CUX1: variants seen among roughly 807,000 people sequenced by gnomAD.
The protein encoded by CUX1 is protein CASP.
A neutral mutation model predicts 158.8 loss-of-function variants in CUX1; 31 were observed. The observed-to-expected ratio is 0.20, with a 90% confidence interval of 0.15 to 0.26. The LOEUF is 0.26. CUX1 is among the 10% of genes least tolerant of loss of function. The pLI is 1.00. For synonymous variants in CUX1, 879 were observed against 862.1 expected, an observed-to-expected ratio of 1.02 and a Z score of -0.34; for missense variants, 1,589 against 2,014.6, an observed-to-expected ratio of 0.79 and a Z score of 4.04.
intron 8 of CUX1, among the ~76,000 whole-genome samples, chr7:102,144,572 GA>G (rs879970661): frequency 1.3e-5 from 2 of 151,634 alleles, no homozygotes; most frequent in African/African-American, 4.9e-5. Flanking sequence ...TCAGGAGGCT[GA>G]GGTGGGAGGA....
chr7:101,825,603 G>C (rs757466025), intron 1 of CUX1, among the ~76,000 whole-genome samples: 1 of 152,200 alleles, frequency 6.6e-6, no homozygotes, highest in Admixed American at 6.5e-5. Flanking sequence ...TGTCAGCATC[G>C]ATGTGGGACT....
intron 2 of CUX1, among the ~76,000 whole-genome samples, chr7:101,919,068 C>T (rs980435403): frequency 2.6e-5 from 4 of 152,178 alleles, no homozygotes; most frequent in Non-Finnish European, 5.9e-5. Context: ...CATGAGCCAC[C>T]GCGCCCAGCC....
chr7:101,897,814 G>A (rs560534781), intron 1 of CUX1, among the ~76,000 whole-genome samples: 2 of 152,294 alleles, frequency 1.3e-5, no homozygotes, highest in Admixed American at 6.5e-5. Context: ...GCTTATTGGT[G>A]TGTGTGTTTC....
intron 5 of CUX1, among the ~76,000 whole-genome samples, chr7:102,100,269 C>T (rs1416317706): frequency 6.6e-5 from 10 of 152,182 alleles, no homozygotes; most frequent in African/African-American, 2.4e-4. Context: ...CAGAGCGAGA[C>T]TCCATCTCTA....
intron 1 of CUX1, among the ~76,000 whole-genome samples, chr7:101,884,256 G>A (rs1258074738): frequency 6.6e-6 from 1 of 152,130 alleles, no homozygotes; most frequent in Non-Finnish European, 1.5e-5. Flanking sequence ...GTGATGTTTT[G>A]GTGTAAGCAT....
At chr7:101,844,044 C>G (rs975458540) in intron 1 of CUX1, among the ~76,000 whole-genome samples, 1 of 152,174 alleles carries the variant, frequency 6.6e-6, no homozygotes, top group Non-Finnish European at 1.5e-5. Context: ...CCCAACTAGT[C>G]TGAGTTCACC....
intron 2 of CUX1, among the ~76,000 whole-genome samples, chr7:101,999,217 C>CCTTT: frequency 1.2e-5 from 1 of 85,840 alleles, no homozygotes; most frequent in South Asian, 5.2e-4. Context: ...TTTTTTTTAC[C>CCTTT]TTTTTTTTTT....
chr7:102,207,924 A>T (rs1305027578), intron 20 of CUX1, among the ~76,000 whole-genome samples: 4 of 152,170 alleles, frequency 2.6e-5, no homozygotes, highest in Non-Finnish European at 5.9e-5. Context: ...ACAGAGGCTC[A>T]CATCTGTAAT....
At chr7:102,239,672 G>A in intron 23 of CUX1, 88 bp downstream of exon 23, 1 of 1,483,834 alleles carries the variant, frequency 6.7e-7, no homozygotes, top group East Asian at 2.3e-5. Context: ...CAGGGGTGAG[G>A]CTGGGGCCGG....
intron 2 of CUX1, among the ~76,000 whole-genome samples, chr7:102,006,521 C>T (rs1196230261): frequency 1.3e-5 from 2 of 152,172 alleles, no homozygotes; most frequent in Admixed American, 6.5e-5. Context: ...CTCAGCCTCC[C>T]GAGTAACTGG....
At chr7:102,271,065 G>T (rs1310885790) in intron 14 of CUX1, among the ~76,000 whole-genome samples, 1 of 152,132 alleles carries the variant, frequency 6.6e-6, no homozygotes, top group Non-Finnish European at 1.5e-5. Context: ...GCAGTGCAAG[G>T]AATCATCTCA....
chr7:102,115,302 C>G, intron 8 of CUX1, 29 bp downstream of exon 8: 4 of 1,597,756 alleles, frequency 2.5e-6, no homozygotes, highest in South Asian at 2.3e-5. Context: ...CCTCCCTTAT[C>G]CGTACACATT....
chr7:102,037,419 C>A (rs896162542), intron 3 of CUX1, among the ~76,000 whole-genome samples: 4 of 146,444 alleles, frequency 2.7e-5, no homozygotes, highest in African/African-American at 1.0e-4. Context: ...ATGGCACGAT[C>A]TTGGCTCACC....
chr7:102,061,794 G>T (rs1585479117), intron 3 of CUX1, among the ~76,000 whole-genome samples: 1 of 152,158 alleles, frequency 6.6e-6, no homozygotes, highest in East Asian at 1.9e-4. Flanking sequence ...CAGCACTTCG[G>T]AAGGCTGAGG....
chr7:101,856,444 C>T (rs1460973541), intron 1 of CUX1, among the ~76,000 whole-genome samples: 2 of 152,112 alleles, frequency 1.3e-5, no homozygotes, highest in Admixed American at 1.3e-4. Flanking sequence ...AAAAATGGTC[C>T]CATCAAGAAG....
intron 20 of CUX1, among the ~76,000 whole-genome samples, chr7:102,216,524 A>T (rs1307913633): frequency 2.8e-5 from 2 of 71,878 alleles, no homozygotes; most frequent in African/African-American, 1.1e-4. Flanking sequence ...GCACACACAC[A>T]CTCTCCCCCC....
Position 102,253,960 on chromosome 7 carries a change from T to C in CUX1, c.*4918T>C. The C allele has an allele frequency of 1.0e-6, 1 of 985,508 alleles. No individual in the cohort carries two copies. Among genetic ancestry groups the C allele is most frequent in the Non-Finnish European group, 1.2e-6 (1 of 829,990 alleles). 61.0% of individuals were successfully genotyped at this position (985,508 alleles called of 1,614,324 possible). On this transcript the variant is annotated 3_prime_UTR_variant, in exon 24 of 24. Coordinates refer to ENST00000292535, the MANE Select transcript of CUX1 (RefSeq NM_181552.4). ...TCACTAACCTGTCTTCTCCATCTGA[T>C]GTCACCCAGAACCACACCCCACAGA...
intron 15 of CUX1, among the ~76,000 whole-genome samples, chr7:102,197,993 C>T (rs1794976656): frequency 6.6e-6 from 1 of 152,190 alleles, no homozygotes. Flanking sequence ...GTAGCTCACG[C>T]CTATAATTCC....
chr7:101,895,261 TG>T (rs968742397), intron 1 of CUX1, among the ~76,000 whole-genome samples: 1 of 152,124 alleles, frequency 6.6e-6, no homozygotes, highest in African/African-American at 2.4e-5. Context: ...CCTCAAACAC[TG>T]GGTATTTTGG....
Sources: allele counts gnomAD v4.1 joint callset (sites outside exome capture counted in the v4.1 genomes callset), GRCh38; gene constraint gnomAD v4.1.1; transcripts MANE v1.5; gene names NCBI Gene and HGNC (gene_info 2026-07-23, HGNC 2026-07-21).